The following FHAD1 variants were observed in gnomAD, a reference collection of about 807,000 sequenced individuals.
FHAD1 encodes the protein forkhead-associated domain-containing protein 1.
A neutral mutation model predicts 191.3 loss-of-function variants in FHAD1; 146 were observed. That is an observed-to-expected ratio of 0.76 (90% CI 0.67 to 0.88). The LOEUF (loss-of-function observed/expected upper bound fraction) is 0.88. FHAD1 is among the 40% of genes least tolerant of loss of function. The pLI is 0.00. For synonymous variants in FHAD1, 616 were observed against 672.3 expected (o/e 0.92, Z 1.29); for missense variants, 1,635 against 1,785.8 (o/e 0.92, Z 1.52).
Position 15,289,666 on chromosome 1 carries a change from G to A in FHAD1, c.568G>A (p.Val190Met), listed in dbSNP as rs1239894687. 1 of 1,545,454 alleles carries A rather than the reference G, an allele frequency of 6.5e-7. No individual in the cohort carries two copies. Among genetic ancestry groups the A allele is most frequent in the Non-Finnish European group, 8.8e-7 (1 of 1,142,134 alleles). The change falls in exon 4 of 34, where the codon GTG becomes ATG. Residue 190 changes from valine (V) to methionine (M), a missense_variant and splice_region_variant. Coordinates refer to ENST00000688493, the MANE Select transcript of FHAD1 (RefSeq NM_001391957.1). This position sits in a 1 kb window ranked among gnomAD's most constrained non-coding sequence, Gnocchi z 4.2. The stretch of plus-strand genomic sequence containing the variant: ...CCGCAAGCCACCCGTCATCAAGCAA[G>A]GTATGCGTCAGGGCTGCCATTGGTG... ...DARKPPVIKQ[V>M]WTNAMKLSEK...
At chr1:15,343,573 TTC>T (rs1687679247) in intron 16 of FHAD1, among the ~76,000 whole-genome samples, 2 of 152,186 alleles carry the variant, frequency 1.3e-5, no homozygotes, top group Non-Finnish European at 2.9e-5. Context: ...CTCCTCCTTC[TTC>T]TCTTTGCCTC....
upstream of FHAD1, among the ~76,000 whole-genome samples, chr1:15,243,320 T>C (rs1486455833): frequency 6.6e-6 from 1 of 152,222 alleles, no homozygotes; most frequent in Non-Finnish European, 1.5e-5. Context: ...AGGTTACTAA[T>C]GGGCCGTGGA....
chr1:15,285,030 AT>A (rs752624626), intron 3 of FHAD1, among the ~76,000 whole-genome samples: 13 of 152,330 alleles, frequency 8.5e-5, no homozygotes, highest in Non-Finnish European at 1.8e-4. Flanking sequence ...CCCAAACTCT[AT>A]GTACATTCTA....
At chr1:15,242,255 T>G (rs1383283779), upstream of FHAD1, among the ~76,000 whole-genome samples, 2 of 146,932 alleles carry the variant, frequency 1.4e-5, no homozygotes, top group Non-Finnish European at 1.5e-5. Context: ...AAAAAAAAAG[T>G]TTACAAAAAG....
chr1:15,352,543 G>A (rs954024341), intron 19 of FHAD1, among the ~76,000 whole-genome samples: 6 of 152,136 alleles, frequency 3.9e-5, no homozygotes, highest in African/African-American at 1.4e-4. Context: ...AGCCAGCATC[G>A]GTGCCAGCAC....
chr1:15,328,339 C>G lies in FHAD1; in HGVS notation c.1620C>G (p.Thr540=). 6.5e-7 allele frequency: 1 copy of G among 1,547,616 alleles called. No homozygotes were observed. The highest frequency in any genetic ancestry group is 2.5e-5 in the East Asian group (1 of 40,726). The change falls in exon 13 of 34, where the codon ACC becomes ACG. Residue 540 remains threonine, a synonymous_variant. Transcript: ENST00000688493. ...DNINFQQKKW[T]LQKETQLSNS... is the part of the protein sequence containing the mutation. ...TCAATTTTCAGCAGAAAAAGTGGAC[C>G]CTCCAGAAAGAGACCCAGCTGAGCA...
intron 33 of FHAD1, among the ~76,000 whole-genome samples, chr1:15,392,843 T>C (rs141778218): frequency 2.0e-5 from 3 of 152,288 alleles, no homozygotes; most frequent in East Asian, 1.9e-4. Context: ...CTATATGCTA[T>C]AAAGGAAAAT....
intron 19 of FHAD1, among the ~76,000 whole-genome samples, chr1:15,349,599 C>T (rs369367613): frequency 5.9e-5 from 9 of 152,340 alleles, no homozygotes; most frequent in East Asian, 5.8e-4. Flanking sequence ...GCTCCTGGCC[C>T]GGCCTCCTGG....
intron 11 of FHAD1, 171 bp from the exon 12 acceptor site, chr1:15,326,888 C>A: frequency 1.7e-6 from 1 of 584,608 alleles, no homozygotes; most frequent in South Asian, 2.3e-5. Flanking sequence ...CTCTTTTCTT[C>A]TGTGGGTCCC....
chr1:15,338,849 G>T (rs978728204), intron 14 of FHAD1, among the ~76,000 whole-genome samples: 1 of 151,936 alleles, frequency 6.6e-6, no homozygotes, highest in African/African-American at 2.4e-5. Flanking sequence ...CTTGTCTTTC[G>T]GACTGAACTG....
At chr1:15,336,445 T>A (rs943808144) in intron 14 of FHAD1, among the ~76,000 whole-genome samples, 2 of 152,104 alleles carry the variant, frequency 1.3e-5, no homozygotes, top group Admixed American at 6.6e-5. Context: ...TTATCCCCAC[T>A]AGGTCTTCCT....
rs1261285246 is a variant in FHAD1, at chr1:15,397,406, A to G, written c.4433A>G (p.Lys1478Arg). Reference sequence around the variant, plus strand: ...CTTTTGCATTCTAAGCCCAGTGGAAAGTACTAGAGAAACCTCGTCCCACCA... The same window carrying G: ...CTTTTGCATTCTAAGCCCAGTGGAAGGTACTAGAGAAACCTCGTCCCACCA... Reference protein sequence around the residue: ...QSLLHSKPSGKY With the variant: ...QSLLHSKPSGRY The change falls in exon 34 of 34, where the codon AAG becomes AGG. Residue 1478 changes from lysine (K) to arginine (R), a missense_variant. By Grantham distance (26) the Lys-to-Arg change is conservative. Transcript: ENST00000688493. The G allele has an allele frequency of 5.9e-6, 9 of 1,515,328 alleles. No homozygotes were observed. The highest frequency in any genetic ancestry group is 7.1e-6 in the Non-Finnish European group (8 of 1,122,446). The allele number at this position is 1,515,328 out of a possible 1,614,324, so 93.9% of individuals were successfully genotyped here.
chr1:15,364,072 C>T, intron 23 of FHAD1: 1 of 281,978 alleles, frequency 3.5e-6, no homozygotes, highest in South Asian at 3.5e-5. Context: ...CCCAGCTCTG[C>T]TCTGGTCCAC....
chr1:15,348,043 A>G (rs1689550814), intron 18 of FHAD1, among the ~76,000 whole-genome samples: 1 of 152,232 alleles, frequency 6.6e-6, no homozygotes. Context: ...AAGTGCCTCA[A>G]AGTCTCTTTT....
intron 15 of FHAD1, among the ~76,000 whole-genome samples, chr1:15,340,860 A>G (rs546719367): frequency 1.3e-5 from 2 of 152,292 alleles, no homozygotes; most frequent in Admixed American, 6.5e-5. Flanking sequence ...TAAGCAATGG[A>G]CATGATAAGC....
At chr1:15,383,055 G>A (rs1365295149) in intron 31 of FHAD1, 3 of 465,706 alleles carry the variant, frequency 6.4e-6, no homozygotes, top group Non-Finnish European at 1.3e-5. Context: ...CTGTAGCATG[G>A]TACAGGAGTC....
intron 2 of FHAD1, among the ~76,000 whole-genome samples, chr1:15,252,453 G>C (rs886636988): frequency 2.0e-5 from 3 of 152,214 alleles, no homozygotes; most frequent in African/African-American, 7.2e-5. Context: ...TGTTGCCATG[G>C]CAACAGTACG....
chr1:15,358,365 G>A (rs528350044), intron 21 of FHAD1, 82 bp downstream of exon 21: 448 of 1,386,120 alleles, frequency 3.2e-4, no homozygotes, highest in Non-Finnish European at 3.9e-4. Context: ...GGTTTAGACC[G>A]GGGCTTCTCA....
chr1:15,254,579 A>G (rs1347115935), intron 2 of FHAD1, among the ~76,000 whole-genome samples: 1 of 152,214 alleles, frequency 6.6e-6, no homozygotes, highest in Non-Finnish European at 1.5e-5. Context: ...TATTATATAT[A>G]TAGACAGAAA....
Sources: gnomAD v4.1 joint callset for allele counts (sites outside exome capture counted in the v4.1 genomes callset) on GRCh38, gnomAD v4.1.1 for gene constraint, Gnocchi (gnomAD v3.1) non-coding constraint, MANE v1.5 for transcripts, NCBI Gene and HGNC (gene_info 2026-07-23, HGNC 2026-07-21) for gene names.